IL1R2: variants seen among roughly 807,000 people sequenced by gnomAD.
The protein encoded by IL1R2 is interleukin 1 receptor type 2.
IL1R2 carries 46 observed loss-of-function variants against 39.5 expected under a neutral mutation model. The ratio of observed to expected loss-of-function variants is 1.16; its 90% confidence interval spans 0.92 to 1.49. The LOEUF (loss-of-function observed/expected upper bound fraction) is 1.49. IL1R2 is among the 40% of genes most tolerant of loss of function. The pLI, the probability that IL1R2 is intolerant of heterozygous loss-of-function variation, is 0.00. For synonymous variants in IL1R2, 207 were observed against 189.6 expected (o/e 1.09, Z -0.75); for missense variants, 537 against 502.0 (o/e 1.07, Z -0.67).
chr2:102,002,282 C>CTGTGTCTG (rs1675900420), intron 1 of IL1R2, among the ~76,000 whole-genome samples: 1 of 151,196 alleles, frequency 6.6e-6, no homozygotes, highest in Admixed American at 6.6e-5. Flanking sequence ...ATGTCTATGT[C>CTGTGTCTG]TGTGTCTGTG....
intron 6 of IL1R2, among the ~76,000 whole-genome samples, chr2:102,024,239 G>C (rs961679443): frequency 6.6e-6 from 1 of 152,076 alleles, no homozygotes; most frequent in Non-Finnish European, 1.5e-5. Flanking sequence ...AGAGGAAGTC[G>C]GCTTGAATTT....
intron 4 of IL1R2, among the ~76,000 whole-genome samples, chr2:102,018,094 T>TTC (rs146883065): frequency 4.0e-5 from 6 of 151,190 alleles, no homozygotes; most frequent in Admixed American, 6.6e-5. Flanking sequence ...CTAGAATGCA[T>TTC]TCTCTCTCTC....
chr2:102,009,581 G>A lies in IL1R2; in HGVS notation c.87G>A (p.Arg29=). ...AAHTGAARSC[R]FRGRHYKREF... The stretch of plus-strand genomic sequence containing the variant: ...CTTCAGGGGCTGCCAGAAGCTGCCG[G>A]TTTCGTGGGAGGCATTACAAGCGGG... The change falls in exon 3 of 9, where the codon CGG becomes CGA. Residue 29 remains arginine (R), a synonymous_variant. Transcript: ENST00000332549. The A allele has an allele frequency of 6.2e-7, 1 of 1,614,046 alleles. No homozygotes were observed. The highest frequency in any genetic ancestry group is 1.1e-5 in the South Asian group (1 of 91,084).
At chr2:102,008,402 CA>C (rs1331725746) in intron 1 of IL1R2, 112 bp from the exon 2 acceptor site, 5 of 620,378 alleles carry the variant, frequency 8.1e-6, no homozygotes, top group African/African-American at 5.5e-5. Context: ...CAGAGTAGGC[CA>C]AAAGGTTCCC....
intron 2 of IL1R2, among the ~76,000 whole-genome samples, chr2:102,009,324 G>A (rs1001049767): frequency 7.9e-5 from 12 of 152,292 alleles, no homozygotes; most frequent in Admixed American, 6.5e-4. Context: ...ACATAAGTTG[G>A]AATGGATAGT....
intron 1 of IL1R2, among the ~76,000 whole-genome samples, chr2:102,008,218 C>T (rs1249418503): frequency 2.0e-5 from 3 of 152,236 alleles, no homozygotes; most frequent in Non-Finnish European, 4.4e-5. Context: ...GAAGCAGCAT[C>T]TCTGGCCAAG....
At chr2:101,996,839 C>T (rs999356965) in intron 1 of IL1R2, among the ~76,000 whole-genome samples, 3 of 151,656 alleles carry the variant, frequency 2.0e-5, no homozygotes, top group East Asian at 3.9e-4. Flanking sequence ...CAAATTGACG[C>T]CAAAAAGATA....
At chr2:102,022,309 C>A in intron 6 of IL1R2, 60 bp downstream of exon 6, 1 of 1,442,326 alleles carries the variant, frequency 6.9e-7, no homozygotes, top group South Asian at 1.1e-5. Context: ...TATCCCAATG[C>A]AGGGGGCTTG....
In IL1R2 at chr2:102,008,620, C is replaced by G. The variant is rs1314705851; in HGVS notation, c.45C>G (p.Thr15=). Residue 15 remains threonine (T), a synonymous_variant, in exon 2 of 9, where the codon ACC becomes ACG. Transcript: ENST00000332549. ...YVLVMGVSAF[T]LQPAAHTGAA... is the part of the protein sequence containing the mutation. ...TGGTAATGGGAGTTTCTGCCTTCAC[C>G]CTTCAGCCTGCGGCACACACAGGTT... 1 of 1,613,958 alleles carries G rather than the reference C, an allele frequency of 6.2e-7. No individual in the cohort carries two copies. The highest frequency in any genetic ancestry group is 8.5e-7 in the Non-Finnish European group (1 of 1,179,976).
intron 1 of IL1R2, 92 bp from the exon 2 acceptor site, chr2:102,008,423 T>C (rs1676397220): frequency 1.5e-6 from 1 of 661,414 alleles, no homozygotes; most frequent in Non-Finnish European, 2.7e-6. Context: ...CATTATCCAG[T>C]GAAGCTTCCA....
At chr2:102,008,412 C>T in intron 1 of IL1R2, 103 bp from the exon 2 acceptor site, 1 of 638,178 alleles carries the variant, frequency 1.6e-6, no homozygotes, top group South Asian at 1.9e-5. Context: ...CAAAAGGTTC[C>T]CATTATCCAG....
intron 7 of IL1R2, 151 bp from the exon 8 acceptor site, chr2:102,025,960 G>A (rs1233723920): frequency 3.3e-6 from 2 of 610,760 alleles, no homozygotes; most frequent in Non-Finnish European, 2.8e-6. Context: ...TGAATCACAA[G>A]TATGGTGGCA....
chr2:102,018,976 G>A (rs1355530003), intron 4 of IL1R2, among the ~76,000 whole-genome samples: 1 of 152,148 alleles, frequency 6.6e-6, no homozygotes, highest in Non-Finnish European at 1.5e-5. Flanking sequence ...TGTTGCAAAC[G>A]TTGAATAATC....
chr2:102,019,829 G>T lies in IL1R2; in HGVS notation c.688+17G>T. On this transcript the variant is annotated intron_variant, in intron 5 of 8. Transcript: ENST00000332549. ...GCATCAAGAGTAAGTACTTGCCATT[G>T]AGGCACCTATCTATCCTGGTTCAAT... The T allele has an allele frequency of 6.2e-7, 1 of 1,605,422 alleles. No individual in the cohort carries two copies. The highest frequency in any genetic ancestry group is 1.1e-5 in the South Asian group (1 of 90,258).
rs1385375183 is a variant in IL1R2, at chr2:102,019,793, T to C, written c.669T>C (p.Ser223=). The change falls in exon 5 of 9, where the codon AGT becomes AGC. Residue 223 remains serine (S), a synonymous_variant. Coordinates refer to ENST00000332549, the MANE Select transcript of IL1R2 (RefSeq NM_004633.4). Reference sequence around the variant, plus strand: ...GCCAGCAATACAACATCACTAGGAGTATTGAGCTACGCATCAAGAGTAAGT... The same window carrying C: ...GCCAGCAATACAACATCACTAGGAGCATTGAGCTACGCATCAAGAGTAAGT... ...HEGQQYNITR[S]IELRIKKKKE... is the part of the protein sequence containing the mutation. 4 of 1,613,774 alleles carry C rather than the reference T, an allele frequency of 2.5e-6. No individual in the cohort carries two copies. Among genetic ancestry groups the C allele is most frequent in the South Asian group, 1.1e-5 (1 of 91,008 alleles).
chr2:101,994,018 C>T (rs993944723), intron 1 of IL1R2, among the ~76,000 whole-genome samples: 3 of 152,214 alleles, frequency 2.0e-5, no homozygotes, highest in Non-Finnish European at 4.4e-5. Flanking sequence ...GCTTCCCGCC[C>T]AGCTGATCAT....
chr2:102,010,938 G>T (rs377408666), intron 3 of IL1R2, among the ~76,000 whole-genome samples: 2 of 151,988 alleles, frequency 1.3e-5, no homozygotes, highest in Admixed American at 1.3e-4. Flanking sequence ...TGTACTTTCC[G>T]ACTCTATGAT....
At chr2:102,007,775 T>G (rs1261763448) in intron 1 of IL1R2, among the ~76,000 whole-genome samples, 2 of 152,288 alleles carry the variant, frequency 1.3e-5, no homozygotes, top group African/African-American at 4.8e-5. Flanking sequence ...GGAAAAGAAA[T>G]AGGTAGGGAA....
At chr2:102,021,234 T>C (rs183392007) in intron 5 of IL1R2, among the ~76,000 whole-genome samples, 1 of 151,594 alleles carries the variant, frequency 6.6e-6, no homozygotes, top group East Asian at 2.0e-4. Flanking sequence ...TGGAGACAAC[T>C]CACAGCCCTC....
Sources: allele counts gnomAD v4.1 joint callset (sites outside exome capture counted in the v4.1 genomes callset), GRCh38; gene constraint gnomAD v4.1.1; transcripts MANE v1.5; gene names NCBI Gene and HGNC (gene_info 2026-07-23, HGNC 2026-07-21).